Variants in DKKL1 observed in about 807,000 individuals in gnomAD.
DKKL1 encodes dickkopf-like protein 1.
DKKL1 carries 11 observed loss-of-function variants against 16.5 expected under a neutral mutation model. The ratio of observed to expected loss-of-function variants is 0.67; its 90% CI spans 0.42 to 1.10. The LOEUF (loss-of-function observed/expected upper bound fraction) is 1.10, where lower values mean the gene tolerates loss of function less well. DKKL1 is among the 50% of genes least tolerant of loss of function. The pLI is 0.00. For missense variants in DKKL1, 320 were observed against 308.1 expected (o/e 1.04, Z -0.29); for synonymous variants, 119 against 133.2 (o/e 0.89, Z 0.73).
At chr19:49,368,071 G>T (rs571562296) in intron 4 of DKKL1, among the ~76,000 whole-genome samples, 1 of 152,114 alleles carries the variant, frequency 6.6e-6, no homozygotes, top group Non-Finnish European at 1.5e-5. Context: ...CTAGCAATTT[G>T]GGAGGCCAAG....
intron 4 of DKKL1, among the ~76,000 whole-genome samples, 156 bp downstream of exon 4, chr19:49,366,041 C>T (rs10405465): frequency 0.31 from 47,695 of 152,080 alleles, 8,191 homozygotes; most frequent in South Asian, 0.46. Flanking sequence ...AATTCTCCTG[C>T]CTCAAGCTCC....
chr19:49,371,785 C>T (rs1003563271), intron 4 of DKKL1, among the ~76,000 whole-genome samples: 8 of 151,992 alleles, frequency 5.3e-5, no homozygotes, highest in African/African-American at 1.5e-4. Flanking sequence ...CACCCCCCAC[C>T]GACAGGTCCT....
chr19:49,374,945 G>C lies in DKKL1; in HGVS notation c.646G>C (p.Gly216Arg). The C allele has an allele frequency of 6.2e-7, 1 of 1,613,746 alleles. No homozygotes were observed. The highest frequency in any genetic ancestry group is 8.5e-7 in the Non-Finnish European group (1 of 1,179,874). The stretch of plus-strand genomic sequence containing the variant: ...GACCCACAAGGACGTCCTAGAAGAG[G>C]GGACCGAGAGCTCCTCCCACTCCAG... ...KGTHKDVLEE[G>R]TESSSHSRLS... Residue 216 changes from glycine (G) to arginine (R), a missense_variant, in exon 5 of 5, where the codon GGG (glycine) becomes CGG (arginine). Physicochemically the swap from Gly to Arg is moderately radical, Grantham distance 125. Transcript: ENST00000221498.
chr19:49,366,804 C>T (rs7251893), intron 4 of DKKL1, among the ~76,000 whole-genome samples: 5,175 of 149,634 alleles, frequency 0.035, 277 homozygotes, highest in African/African-American at 0.12. Flanking sequence ...AACTCCCAGA[C>T]TCAAATGATC....
rs759115013 is a variant in DKKL1 at position 49,374,814 on chromosome 19, T to C, written c.515T>C (p.Ile172Thr). ...CATCCCCGGGTGGCCTTCTGGATCA[T>C]TAAGCTGCCACGGCGGAGGTCCCAC... is the stretch of plus-strand genomic sequence containing the variant. ...ELHPRVAFWIIKLPRRRSHQD... is the reference protein window; with the variant it reads ...ELHPRVAFWITKLPRRRSHQD... Residue 172 changes from isoleucine (I) to threonine (T), a missense_variant, in exon 5 of 5, where the codon ATT becomes ACT. Ile to Thr is a moderately conservative substitution (Grantham distance 89). Transcript: ENST00000221498. The C allele has an allele frequency of 1.9e-6, 3 of 1,613,470 alleles. No homozygotes were observed.
rs756989658 is a variant in DKKL1, at chr19:49,365,842, C to A, written c.374C>A (p.Ala125Glu). Residue 125 changes from alanine to glutamate, a missense_variant, in exon 4 of 5, where the codon GCA (alanine) becomes GAA (glutamate). Ala to Glu is a moderately radical substitution (Grantham distance 107). Coordinates refer to ENST00000221498, the MANE Select transcript of DKKL1 (RefSeq NM_014419.4). ...GTGCTGATCTCCGAGAATGTGGTGG[C>A]ATCCATTCAACCAGCGGAGGGGAGC... is the stretch of plus-strand genomic sequence containing the variant. The part of the protein sequence containing the change: ...GEVLISENVV[A>E]SIQPAEGSFE... The A allele has an allele frequency of 1.3e-5, 21 of 1,614,014 alleles. No individual in the cohort carries two copies. Among genetic ancestry groups the A allele is most frequent in the Non-Finnish European group, 1.6e-5 (19 of 1,180,034 alleles).
At chr19:49,364,534 TG>T in intron 1 of DKKL1, 47 bp from the exon 2 acceptor site, 2 of 1,535,714 alleles carry the variant, frequency 1.3e-6, no homozygotes, top group Non-Finnish European at 1.8e-6. Context: ...GCGTCTTGGG[TG>T]GGGGCGTGGC....
Position 49,365,799 on chromosome 19 carries a change from G to T in DKKL1, c.331G>T (p.Asp111Tyr). The stretch of plus-strand genomic sequence containing the variant: ...TCTCATCGGATCCTCACAGATGACC[G>T]ACAACAAGACAGGAGAGGTGCTGAT... ...SSHLQIDKMT[D>Y]NKTGEVLISE... The change falls in exon 4 of 5, where the codon GAC (aspartate) becomes TAC (tyrosine). Residue 111 changes from aspartate to tyrosine, a missense_variant. Physicochemically the swap from Asp to Tyr is radical, Grantham distance 160 (BLOSUM62 -3). Coordinates refer to ENST00000221498, the MANE Select transcript of DKKL1 (RefSeq NM_014419.4). 6.2e-7 allele frequency: 1 copy of T among 1,613,834 alleles called. No individual in the cohort carries two copies.
upstream of DKKL1, among the ~76,000 whole-genome samples, chr19:49,360,762 CAGAGACCCAGAGAGGGGAT>C (rs766087196): frequency 0.017 from 1,204 of 70,198 alleles, 31 homozygotes; most frequent in Non-Finnish European, 0.024. Context: ...GGGAGGGGGA[CAGAGACCCAGAGAGGGGAT>C]GGGGACAGAG....
At position 49,365,819 on chromosome 19, in the gene DKKL1, G is replaced by A. The variant is rs1226199472; in HGVS notation, c.351G>A (p.Val117=). 6.2e-7 allele frequency: 1 copy of A among 1,614,160 alleles called. No homozygotes were observed. Among genetic ancestry groups the A allele is most frequent in the South Asian group, 1.1e-5 (1 of 91,074 alleles). The part of the protein sequence containing the change: ...DKMTDNKTGE[V]LISENVVASI... ...TGACCGACAACAAGACAGGAGAGGT[G>A]CTGATCTCCGAGAATGTGGTGGCAT... The change falls in exon 4 of 5, where the codon GTG becomes GTA. Residue 117 remains valine, a synonymous_variant. Transcript: ENST00000221498.
chr19:49,374,300 G>A (rs115293418), intron 4 of DKKL1, among the ~76,000 whole-genome samples: 1,887 of 152,188 alleles, frequency 0.012, 46 homozygotes, highest in African/African-American at 0.043. Context: ...GAAAGCTTTT[G>A]ATTCAGGATC....
At chr19:49,374,679 T>G (rs1477252492) in intron 4 of DKKL1, 38 bp from the exon 5 acceptor site, 7 of 1,506,716 alleles carry the variant, frequency 4.6e-6, no homozygotes, top group African/African-American at 1.4e-5. Flanking sequence ...GGGGTGCTGT[T>G]TGGAGTATGA....
At chr19:49,363,662 T>G (rs2288478), upstream of DKKL1, 219,513 of 401,092 alleles carry the variant, frequency 0.55, 61,845 homozygotes, top group African/African-American at 0.74. Flanking sequence ...TCAACTGACG[T>G]GGGCGTGGTC....
intron 2 of DKKL1, among the ~76,000 whole-genome samples, chr19:49,365,284 G>T (rs1362815561): frequency 1.3e-5 from 2 of 152,124 alleles, no homozygotes; most frequent in Non-Finnish European, 1.5e-5. Flanking sequence ...GGGGGATGGG[G>T]ACAGAAGAGG....
chr19:49,371,106 T>A (rs1287218962), intron 4 of DKKL1: 1 of 152,050 alleles, frequency 6.6e-6, no homozygotes, highest in Non-Finnish European at 1.5e-5. Context: ...CAACAAGTAC[T>A]CTCCCAGCAC....
At chr19:49,373,451 G>A (rs1973588666) in intron 4 of DKKL1, among the ~76,000 whole-genome samples, 1 of 152,134 alleles carries the variant, frequency 6.6e-6, no homozygotes, top group Non-Finnish European at 1.5e-5. Context: ...ATGAATTTGG[G>A]GAGGAAACAA....
At position 49,375,012 on chromosome 19, in the gene DKKL1, CCT is replaced by C; in HGVS notation, c.717_718del (p.Arg240AlafsTer?). 6.2e-7 allele frequency: 1 copy of C among 1,607,880 alleles called. No homozygotes were observed. The highest frequency in any genetic ancestry group is 8.5e-7 in the Non-Finnish European group (1 of 1,176,908). On this transcript the variant is annotated frameshift_variant, in exon 5 of 5. Transcript: ENST00000221498. LOFTEE classifies it high-confidence loss of function. ...ACCCACTTACTGTACATCCTCAGGC[CCT>C]CTCGGCAGCTGTAGGGGTGGGGACC...
chr19:49,366,819 C>G (rs1973268978), intron 4 of DKKL1, among the ~76,000 whole-genome samples: 1 of 150,428 alleles, frequency 6.6e-6, no homozygotes, highest in Admixed American at 6.6e-5. Context: ...ATGATCCTCC[C>G]ACCTCAGCCT....
At position 49,365,590 on chromosome 19, in the gene DKKL1, G is replaced by A. The variant is rs748501492; in HGVS notation, c.265G>A (p.Glu89Lys). The A allele has an allele frequency of 2.5e-6, 4 of 1,613,902 alleles. No homozygotes were observed. Among genetic ancestry groups the A allele is most frequent in the East Asian group, 4.5e-5 (2 of 44,874 alleles). ...CCTCCCTGGGAACTACCACAAAGAG[G>A]AGAACCAGGAGCACCAGCTGGGGAA... ...RGLPGNYHKE[E>K]NQEHQLGNNT... Residue 89 changes from glutamate to lysine, a missense_variant, in exon 3 of 5, where the codon GAG becomes AAG. Transcript: ENST00000221498.
Sources: allele counts gnomAD v4.1 joint callset (sites outside exome capture counted in the v4.1 genomes callset), GRCh38; gene constraint gnomAD v4.1.1; transcripts MANE v1.5; gene names NCBI Gene and HGNC (gene_info 2026-07-23, HGNC 2026-07-21).